The following EPB41L5 variants were observed in gnomAD, a reference collection of about 807,000 sequenced individuals.
EPB41L5 encodes erythrocyte membrane protein band 4.1 like 5.
EPB41L5 carries 55 observed loss-of-function variants against 106.6 expected under a neutral mutation model. That is an observed-to-expected ratio of 0.52 (90% CI 0.42 to 0.65). EPB41L5 has a LOEUF of 0.65. EPB41L5 is among the 30% of genes least tolerant of loss of function. EPB41L5 has a pLI of 0.00. For synonymous variants in EPB41L5, 297 were observed against 306.7 expected, an observed-to-expected ratio of 0.97 and a Z score of 0.33; for missense variants, 871 against 882.1, an observed-to-expected ratio of 0.99 and a Z score of 0.16.
In EPB41L5 at chr2:120,131,548, A is replaced by G. The variant is rs149331306; in HGVS notation, c.1502-70A>G. On this transcript the variant is annotated intron_variant, in intron 17 of 24. Coordinates refer to ENST00000263713, the MANE Select transcript of EPB41L5 (RefSeq NM_020909.4). ...GATGTTGAGAAGACAAAACAAAACC[A>G]TACCCTCACACAGCTAGCTGTGACA... The G allele has an allele frequency of 5.9e-6, 6 of 1,024,922 alleles. No homozygotes were observed. The Admixed American group carries it at 9.8e-5, about 17-fold the overall frequency. The allele number at this position is 1,024,922 out of a possible 1,614,324, so 63.5% of individuals were successfully genotyped here.
Position 120,100,723 on chromosome 2 carries a change from C to A in EPB41L5, c.1246C>A (p.Pro416Thr), listed in dbSNP as rs751747583. The change falls in exon 16 of 25, where the codon CCT becomes ACT. Residue 416 changes from proline (P) to threonine (T), a missense_variant. Transcript: ENST00000263713. ...GGCTTGGGGGATGAGATCTGCTCTG[C>A]CTGTGAGTCCTTCCATTTCCTCTGC... ...QQAWGMRSAL[P>T]VSPSISSAPV... 2 of 1,613,768 alleles carry A rather than the reference C, an allele frequency of 1.2e-6. No homozygotes were observed. The highest frequency in any genetic ancestry group is 2.2e-5 in the South Asian group (2 of 91,060).
intron 2 of EPB41L5, among the ~76,000 whole-genome samples, chr2:120,032,720 TATAG>T (rs1468112022): frequency 6.6e-6 from 1 of 152,216 alleles, no homozygotes; most frequent in Non-Finnish European, 1.5e-5. Flanking sequence ...CGGTTTTGAA[TATAG>T]AATCTTCTGA....
Position 120,087,788 on chromosome 2 carries a change from C to T in EPB41L5, c.873+548C>T, listed in dbSNP as rs1683156306. ...ACAGGAGTAAACCATTGTGGCAGAC[C>T]AACTTTATCTCTTTATTAACTGATC... is the stretch of plus-strand genomic sequence containing the variant. On this transcript the variant is annotated intron_variant, in intron 11 of 24. Transcript: ENST00000263713. 4.0e-5 allele frequency among the ~76,000 whole-genome samples: 6 copies of T among 151,576 alleles called. No individual in the cohort carries two copies. The South Asian group carries it at 1.3e-3, about 32-fold the overall frequency.
chr2:120,111,137 C>T (rs1177337348), intron 16 of EPB41L5, among the ~76,000 whole-genome samples: 2 of 152,170 alleles, frequency 1.3e-5, no homozygotes, highest in Non-Finnish European at 2.9e-5. Flanking sequence ...ATTTAGTCCC[C>T]TTCAGCCTGT....
intron 3 of EPB41L5, among the ~76,000 whole-genome samples, chr2:120,044,293 A>T (rs897393924): frequency 6.6e-6 from 1 of 152,056 alleles, no homozygotes; most frequent in African/African-American, 2.4e-5. Context: ...ATTCTCTTTT[A>T]TTAGACTAAA....
intron 24 of EPB41L5, 100 bp downstream of exon 24, chr2:120,168,107 TAACTG>T: frequency 7.5e-7 from 1 of 1,337,740 alleles, no homozygotes; most frequent in Middle Eastern, 2.3e-4. Context: ...AATTCTTCCC[TAACTG>T]AACTATATTG....
intron 10 of EPB41L5, among the ~76,000 whole-genome samples, chr2:120,086,486 G>T (rs1269168784): frequency 6.6e-6 from 1 of 152,134 alleles, no homozygotes; most frequent in Middle Eastern, 3.2e-3. Context: ...GTTGAGGCTG[G>T]TTGCAGTGGC....
intron 20 of EPB41L5, among the ~76,000 whole-genome samples, chr2:120,157,682 T>A (rs1017771980): frequency 1.5e-4 from 22 of 148,486 alleles, no homozygotes; most frequent in Non-Finnish European, 1.5e-5. Context: ...GGCACAAGAA[T>A]AGATTGAACC....
rs1300970664 is a variant in EPB41L5, at chr2:120,178,764, G to C, written c.*3857G>C. 6.6e-6 allele frequency: 1 copy of C among 152,224 alleles called. No homozygotes were observed. The highest frequency in any genetic ancestry group is 1.5e-5 in the Non-Finnish European group (1 of 68,044). The allele number at this position is 152,224 out of a possible 1,614,324, so 9.4% of individuals were successfully genotyped here. On this transcript the variant is annotated 3_prime_UTR_variant, in exon 25 of 25. Transcript: ENST00000263713. ...TTCCCAGTTCTAAGAGATACGATCT[G>C]TAAGTCCCTATGTCACCACATTGCT...
At chr2:120,072,256 A>G (rs1681920869) in intron 3 of EPB41L5, among the ~76,000 whole-genome samples, 1 of 152,218 alleles carries the variant, frequency 6.6e-6, no homozygotes, top group South Asian at 2.1e-4. Context: ...ACCAGTTAGA[A>G]TGGCCATTAT....
chr2:120,112,195 C>A (rs953518668), intron 16 of EPB41L5, among the ~76,000 whole-genome samples: 1 of 152,082 alleles, frequency 6.6e-6, no homozygotes, highest in Admixed American at 6.6e-5. Context: ...TATGATGATT[C>A]TTAGGATTTT....
chr2:120,107,498 T>C (rs891094459), intron 16 of EPB41L5, among the ~76,000 whole-genome samples: 7 of 152,174 alleles, frequency 4.6e-5, no homozygotes, highest in African/African-American at 1.7e-4. Flanking sequence ...CCAGGATTGT[T>C]GTGAATGCTT....
rs764321926 is a variant in EPB41L5, at chr2:120,149,104, C to T, written c.1793+2815C>T. Reference sequence around the variant, plus strand: ...CTCATTGTGGTTTGATTTGCATTTACCTAAGGACTAATGATGTTGAACATC... The same window carrying T: ...CTCATTGTGGTTTGATTTGCATTTATCTAAGGACTAATGATGTTGAACATC... On this transcript the variant is annotated intron_variant, in intron 20 of 24. Coordinates refer to ENST00000263713, the MANE Select transcript of EPB41L5 (RefSeq NM_020909.4). Among the ~76,000 whole-genome samples the T allele has an allele frequency of 3.7e-4, 56 of 152,090 alleles. 1 individual carries two copies. Among genetic ancestry groups the T allele is most frequent in the Middle Eastern group, 3.4e-3 (1 of 294 alleles).
chr2:120,018,558 CATTT>C (rs1394027473), intron 1 of EPB41L5, among the ~76,000 whole-genome samples: 8 of 151,936 alleles, frequency 5.3e-5, no homozygotes, highest in Admixed American at 4.6e-4. Flanking sequence ...GTATATTTAT[CATTT>C]ATAATATGTC....
chr2:120,119,469 A>T (rs1013509953), intron 16 of EPB41L5, among the ~76,000 whole-genome samples: 1 of 152,060 alleles, frequency 6.6e-6, no homozygotes, highest in Non-Finnish European at 1.5e-5. Flanking sequence ...ATTTTCTTCT[A>T]GGGTTTTTAT....
intron 11 of EPB41L5, among the ~76,000 whole-genome samples, chr2:120,087,858 T>TTTTC (rs1289977909): frequency 6.6e-6 from 1 of 152,220 alleles, no homozygotes; most frequent in East Asian, 1.9e-4. Context: ...AATTAAAGAT[T>TTTTC]ACCTTTGTAT....
chr2:120,075,597 T>C, intron 6 of EPB41L5, 77 bp downstream of exon 6: 2 of 1,425,592 alleles, frequency 1.4e-6, no homozygotes, highest in Non-Finnish European at 2.0e-6. Context: ...AAGTTTATAG[T>C]TGTAAAAAAG....
chr2:120,020,895 A>G (rs1159164150), intron 2 of EPB41L5, among the ~76,000 whole-genome samples: 1 of 152,200 alleles, frequency 6.6e-6, no homozygotes, highest in Non-Finnish European at 1.5e-5. Flanking sequence ...TGGTGGAACA[A>G]ATGGCTAGTT....
At chr2:120,158,720 T>C (rs1212279153) in intron 20 of EPB41L5, among the ~76,000 whole-genome samples, 1 of 152,112 alleles carries the variant, frequency 6.6e-6, no homozygotes, top group Non-Finnish European at 1.5e-5. Context: ...TTCAACATAG[T>C]ATTGGAAGGC....
Sources: allele counts gnomAD v4.1 joint callset (sites outside exome capture counted in the v4.1 genomes callset), GRCh38; gene constraint gnomAD v4.1.1; transcripts MANE v1.5; gene names NCBI Gene and HGNC (gene_info 2026-07-23, HGNC 2026-07-21).